TAFA2: variants seen among roughly 807,000 people sequenced by gnomAD.
The protein encoded by TAFA2 is TAFA chemokine like family member 2, also known as chemokine-like protein TAFA-2.
A neutral mutation model predicts 18.8 loss-of-function variants in TAFA2; 7 were observed. The ratio of observed to expected loss-of-function variants is 0.37; its 90% confidence interval spans 0.21 to 0.70. The LOEUF (loss-of-function observed/expected upper bound fraction) is 0.70. Among genes scored for constraint, TAFA2 ranks in the 30% least tolerant of loss-of-function variants. The probability of loss-of-function intolerance (pLI) is 0.53; values close to 1 mark genes in which losing one functional copy is unlikely to be tolerated. For missense variants in TAFA2, 122 were observed against 158.1 expected, an observed-to-expected ratio of 0.77 and a Z score of 1.23; for synonymous variants, 60 against 54.2, an observed-to-expected ratio of 1.11 and a Z score of -0.47.
chr12:61,844,974 A>C (rs1873342745), intron 2 of TAFA2, among the ~76,000 whole-genome samples: 1 of 152,184 alleles, frequency 6.6e-6, no homozygotes, highest in Non-Finnish European at 1.5e-5. Context: ...TGTTGAGTTC[A>C]GGACCACCTA....
intron 2 of TAFA2, among the ~76,000 whole-genome samples, chr12:61,760,365 A>ATATATATATATATATATAT (rs1869483548): frequency 5.7e-5 from 7 of 122,224 alleles, no homozygotes; most frequent in African/African-American, 1.8e-4. Flanking sequence ...AAAATATCAA[A>ATATATATATATATATATAT]ATATATATAT....
chr12:62,079,954 G>A (rs1438672967), intron 1 of TAFA2, among the ~76,000 whole-genome samples: 1 of 152,152 alleles, frequency 6.6e-6, no homozygotes, highest in Non-Finnish European at 1.5e-5. Context: ...AGAATTTCAG[G>A]CACAAAGAGA....
chr12:61,834,639 A>C (rs116848362), intron 2 of TAFA2, among the ~76,000 whole-genome samples: 2,576 of 152,150 alleles, frequency 0.017, 43 homozygotes, highest in Non-Finnish European at 0.028. Context: ...TTCCTGGGAA[A>C]GATGTCAACT....
At chr12:62,248,649 T>C (rs755816295) in intron 1 of TAFA2, among the ~76,000 whole-genome samples, 10 of 152,248 alleles carry the variant, frequency 6.6e-5, no homozygotes, top group Non-Finnish European at 1.0e-4. Flanking sequence ...TTATTCATCT[T>C]GCTGGACTTA....
At chr12:61,880,461 T>A (rs972756003) in intron 1 of TAFA2, 11 of 537,934 alleles carry the variant, frequency 2.0e-5, no homozygotes, top group Non-Finnish European at 3.8e-5. Flanking sequence ...CTGATGAATG[T>A]CAAGCTGGCC....
chr12:61,969,138 G>A (rs1234092724), intron 1 of TAFA2, among the ~76,000 whole-genome samples: 4 of 151,678 alleles, frequency 2.6e-5, no homozygotes, highest in African/African-American at 9.7e-5. Context: ...TGACATTGGA[G>A]CACTCTAGTG....
intron 1 of TAFA2, among the ~76,000 whole-genome samples, chr12:61,973,757 C>T (rs1879338002): frequency 6.6e-6 from 1 of 151,636 alleles, no homozygotes; most frequent in Non-Finnish European, 1.5e-5. Context: ...ATATCAGAAC[C>T]ACCTGGGAAA....
chr12:61,729,520 C>T (rs865828543), intron 4 of TAFA2, among the ~76,000 whole-genome samples: 7 of 152,034 alleles, frequency 4.6e-5, no homozygotes, highest in African/African-American at 1.7e-4. Context: ...ATTGTTGATA[C>T]TTTCCAGTGT....
At chr12:61,916,636 T>G (rs1456456677) in intron 1 of TAFA2, among the ~76,000 whole-genome samples, 1 of 152,226 alleles carries the variant, frequency 6.6e-6, no homozygotes, top group East Asian at 1.9e-4. Context: ...TGCTTTTTCA[T>G]GTTTGATTTC....
chr12:62,203,066 A>G (rs559343978), intron 1 of TAFA2, among the ~76,000 whole-genome samples: 128 of 152,030 alleles, frequency 8.4e-4, no homozygotes, highest in African/African-American at 3.0e-3. Context: ...ACCTCAAGTG[A>G]TTCACCCACC....
At chr12:61,883,317 A>C (rs1160787458) in intron 1 of TAFA2, among the ~76,000 whole-genome samples, 1 of 152,236 alleles carries the variant, frequency 6.6e-6, no homozygotes, top group Non-Finnish European at 1.5e-5. Context: ...CCACAGAGTA[A>C]AGGCATTATT....
At chr12:62,219,887 T>C (rs915086633) in intron 1 of TAFA2, among the ~76,000 whole-genome samples, 2 of 152,160 alleles carry the variant, frequency 1.3e-5, no homozygotes, top group Admixed American at 6.6e-5. Flanking sequence ...CAAGCTAAGC[T>C]GTAGATATGA....
intron 1 of TAFA2, among the ~76,000 whole-genome samples, chr12:62,033,298 T>C (rs1286794298): frequency 6.6e-6 from 1 of 152,170 alleles, no homozygotes; most frequent in Non-Finnish European, 1.5e-5. Context: ...CAAATGTCCA[T>C]GAACTAAGGA....
At chr12:61,787,534 G>A (rs1870789325) in intron 2 of TAFA2, among the ~76,000 whole-genome samples, 1 of 151,560 alleles carries the variant, frequency 6.6e-6, no homozygotes, top group South Asian at 2.1e-4. Flanking sequence ...AATATATATA[G>A]ATGTAAATTA....
At chr12:61,732,211 G>C (rs533632498) in intron 4 of TAFA2, among the ~76,000 whole-genome samples, 1 of 147,724 alleles carries the variant, frequency 6.8e-6, no homozygotes, top group African/African-American at 2.7e-5. Context: ...TTTAGGCAGA[G>C]GTAACAGCAT....
intron 1 of TAFA2, among the ~76,000 whole-genome samples, chr12:62,026,972 G>C (rs925944772): frequency 6.6e-6 from 1 of 152,016 alleles, no homozygotes; most frequent in Non-Finnish European, 1.5e-5. Flanking sequence ...GCTCGAAGAC[G>C]TATTTTTTCC....
intron 1 of TAFA2, among the ~76,000 whole-genome samples, chr12:62,037,740 C>T (rs911300896): frequency 6.6e-6 from 1 of 152,088 alleles, no homozygotes. Flanking sequence ...TAGACCAGAG[C>T]AATAATTAGT....
At chr12:62,207,694 C>T (rs2062697962) in intron 1 of TAFA2, among the ~76,000 whole-genome samples, 1 of 152,102 alleles carries the variant, frequency 6.6e-6, no homozygotes, top group Non-Finnish European at 1.5e-5. Context: ...GGGGATGTTC[C>T]ACTTCTCCAC....
At chr12:62,251,026 G>A (rs1337977314) in intron 1 of TAFA2, among the ~76,000 whole-genome samples, 1 of 138,048 alleles carries the variant, frequency 7.2e-6, no homozygotes, top group African/African-American at 2.5e-5. Context: ...TATGGCACTA[G>A]GACTTTGGGT....
Sources: gnomAD v4.1 joint callset for allele counts (sites outside exome capture counted in the v4.1 genomes callset) on GRCh38, gnomAD v4.1.1 for gene constraint, MANE v1.5 for transcripts, NCBI Gene and HGNC (gene_info 2026-07-23, HGNC 2026-07-21) for gene names.